Variants in CHST11 observed in about 807,000 individuals in gnomAD.
CHST11 encodes the protein C4S-1.
Under a neutral mutation model 30.4 loss-of-function variants are expected in CHST11, and 9 were observed. That is an observed-to-expected ratio of 0.30 (90% CI 0.18 to 0.52). CHST11 has a LOEUF of 0.52. Ranked by LOEUF, CHST11 falls within the 20% of genes least tolerant of loss-of-function variation. CHST11 has a pLI of 0.97. For synonymous variants in CHST11, 152 were observed against 187.8 expected (o/e 0.81, Z 1.56); for missense variants, 348 against 460.6 (o/e 0.76, Z 2.24).
chr12:104,672,626 G>A (rs966679958), intron 2 of CHST11, among the ~76,000 whole-genome samples: 24 of 152,222 alleles, frequency 1.6e-4, no homozygotes, highest in Admixed American at 4.6e-4. Flanking sequence ...GACCTCGGGA[G>A]GAGTAACCTC....
intron 2 of CHST11, among the ~76,000 whole-genome samples, chr12:104,666,064 C>T (rs543251041): frequency 2.6e-4 from 39 of 152,022 alleles, no homozygotes; most frequent in African/African-American, 7.2e-4. Context: ...ATGATTCGCC[C>T]GCCTCGGCCT....
rs1489175157 is a variant in CHST11 at position 104,586,969 on chromosome 12, GTTC to G, written c.119-14932_119-14930del. Among the ~76,000 whole-genome samples, 7 of 152,210 alleles carry G rather than the reference GTTC, an allele frequency of 4.6e-5. No individual in the cohort carries two copies. In the South Asian group the frequency reaches 6.2e-4, roughly 14 times the overall value. ...GCGTCTTAAGTTTCTCAGCAATAAAGTTCTTCTACTACTGTGGGGGTTTTCAGG... is the reference window on the plus strand; with the variant it reads ...GCGTCTTAAGTTTCTCAGCAATAAAGTTCTACTACTGTGGGGGTTTTCAGG... On this transcript the variant is annotated intron_variant, in intron 1 of 2. Coordinates refer to ENST00000303694, the MANE Select transcript of CHST11 (RefSeq NM_018413.6).
chr12:104,678,021 C>A (rs774115695), intron 2 of CHST11, among the ~76,000 whole-genome samples: 4 of 152,218 alleles, frequency 2.6e-5, no homozygotes, highest in Non-Finnish European at 4.4e-5. Flanking sequence ...CTTTGAGAGG[C>A]CTTCTCCAAC....
intron 2 of CHST11, among the ~76,000 whole-genome samples, chr12:104,621,067 T>C (rs1293702542): frequency 6.6e-6 from 1 of 152,216 alleles, no homozygotes; most frequent in African/African-American, 2.4e-5. Flanking sequence ...ATCAGTTCAT[T>C]TCAAATTTAA....
chr12:104,733,887 C>T (rs2040276667), intron 2 of CHST11, among the ~76,000 whole-genome samples: 1 of 152,154 alleles, frequency 6.6e-6, no homozygotes, highest in South Asian at 2.1e-4. Context: ...GAAAAGCCAG[C>T]GGGGGGCGCT....
chr12:104,686,370 G>A (rs2039846729), intron 2 of CHST11, among the ~76,000 whole-genome samples: 1 of 152,158 alleles, frequency 6.6e-6, no homozygotes, highest in Non-Finnish European at 1.5e-5. Context: ...GGACAGCTGT[G>A]CTCTGAGAGA....
Position 104,713,602 on chromosome 12 carries a change from C to T in CHST11, c.205-43347C>T, listed in dbSNP as rs111302310. Among the ~76,000 whole-genome samples, 274 of 152,296 alleles carry T rather than the reference C, an allele frequency of 1.8e-3. 2 individuals carry two copies. Among genetic ancestry groups the T allele is most frequent in the African/African-American group, 6.3e-3 (262 of 41,552 alleles). On this transcript the variant is annotated intron_variant, in intron 2 of 2. Coordinates refer to ENST00000303694, the MANE Select transcript of CHST11 (RefSeq NM_018413.6). ...GTAGGTAACAGGAGCCGATACCTGG[C>T]TCTGCACCTCCTCCCAAAGGAGTCC...
rs538106974 is a variant in CHST11 at position 104,510,502 on chromosome 12, G to A, written c.118+52973G>A. On this transcript the variant is annotated intron_variant, in intron 1 of 2. Coordinates refer to ENST00000303694, the MANE Select transcript of CHST11 (RefSeq NM_018413.6). ...CTGCAGGAAACACCATGCCCACCTTGCTTGGTTTAAAGCCTTTGAGATCTA... is the reference window on the plus strand; with the variant it reads ...CTGCAGGAAACACCATGCCCACCTTACTTGGTTTAAAGCCTTTGAGATCTA... 8.8e-4 allele frequency among the ~76,000 whole-genome samples: 134 copies of A among 152,322 alleles called. 3 individuals are homozygous for A. The South Asian group carries it at 0.027, about 31-fold the overall frequency.
intron 1 of CHST11, among the ~76,000 whole-genome samples, chr12:104,582,131 T>C (rs1437180909): frequency 2.0e-5 from 3 of 152,036 alleles, no homozygotes; most frequent in African/African-American, 7.2e-5. Flanking sequence ...CGCCTGAGAG[T>C]TGTGGCAGCC....
At chr12:104,595,545 T>C (rs2038900108) in intron 1 of CHST11, among the ~76,000 whole-genome samples, 1 of 152,146 alleles carries the variant, frequency 6.6e-6, no homozygotes, top group Admixed American at 6.5e-5. Flanking sequence ...GGAAGGGACT[T>C]AGCGATCACC....
intron 2 of CHST11, among the ~76,000 whole-genome samples, chr12:104,641,120 T>C (rs961376672): frequency 6.6e-6 from 1 of 152,084 alleles, no homozygotes; most frequent in African/African-American, 2.4e-5. Flanking sequence ...AAAATTACCT[T>C]CCCACTCCTT....
chr12:104,659,500 A>G (rs568956268), intron 2 of CHST11, among the ~76,000 whole-genome samples: 1 of 152,286 alleles, frequency 6.6e-6, no homozygotes, highest in East Asian at 1.9e-4. Flanking sequence ...GCTGCTGAGC[A>G]CTTGAAATGT....
intron 2 of CHST11, among the ~76,000 whole-genome samples, chr12:104,714,244 C>T (rs2040111189): frequency 6.6e-6 from 1 of 152,236 alleles, no homozygotes. Context: ...AGGCCCCCTC[C>T]CTTTGGCTGG....
intron 1 of CHST11, chr12:104,514,304 C>T (rs2037998490): frequency 1.1e-6 from 1 of 907,364 alleles, no homozygotes; most frequent in Non-Finnish European, 1.9e-6. Flanking sequence ...TGTTTGGCAG[C>T]CTGATCATTG....
At chr12:104,601,250 C>A (rs1252013739) in intron 1 of CHST11, among the ~76,000 whole-genome samples, 1 of 152,176 alleles carries the variant, frequency 6.6e-6, no homozygotes, top group Non-Finnish European at 1.5e-5. Context: ...TTAAAAAGAG[C>A]TCTTGGTGGC....
At chr12:104,637,304 A>AAAAAAAG (rs2039333096) in intron 2 of CHST11, among the ~76,000 whole-genome samples, 1 of 10,046 alleles carries the variant, frequency 1.0e-4, no homozygotes, top group African/African-American at 3.6e-4. Flanking sequence ...AGACCCTGTA[A>AAAAAAAG]AAAAAAAAAA....
intron 2 of CHST11, among the ~76,000 whole-genome samples, chr12:104,632,814 G>A (rs762709830): frequency 3.1e-4 from 47 of 152,326 alleles, no homozygotes; most frequent in Admixed American, 9.8e-4. Context: ...TCCGGGAGGA[G>A]CCCACAGACA....
intron 1 of CHST11, among the ~76,000 whole-genome samples, chr12:104,477,057 TA>T (rs1294196284): frequency 1.3e-5 from 2 of 152,120 alleles, no homozygotes; most frequent in African/African-American, 2.4e-5. Flanking sequence ...CTTCCAGGGA[TA>T]GGGGGATTCA....
intron 1 of CHST11, among the ~76,000 whole-genome samples, chr12:104,539,520 G>A (rs1454802445): frequency 1.3e-5 from 2 of 152,180 alleles, no homozygotes; most frequent in Non-Finnish European, 2.9e-5. Flanking sequence ...CTGAAAGTGG[G>A]ATGGCTGAAC....
Sources: gnomAD v4.1 joint callset for allele counts (sites outside exome capture counted in the v4.1 genomes callset) on GRCh38, gnomAD v4.1.1 for gene constraint, MANE v1.5 for transcripts, NCBI Gene and HGNC (gene_info 2026-07-23, HGNC 2026-07-21) for gene names.